VIPR1: variants seen among roughly 807,000 people sequenced by gnomAD.
VIPR1 encodes the protein vasoactive intestinal polypeptide receptor 1.
A neutral mutation model predicts 58.8 loss-of-function variants in VIPR1; 59 were observed. That is an observed-to-expected ratio of 1.00 (90% CI 0.81 to 1.25). VIPR1 has a LOEUF of 1.25. VIPR1 is among the 50% of genes most tolerant of loss of function. The pLI is 0.00. For synonymous variants in VIPR1, 251 were observed against 242.1 expected (o/e 1.04, Z -0.34); for missense variants, 626 against 602.7 (o/e 1.04, Z -0.40).
At chr3:42,512,649 G>T in intron 1 of VIPR1, 1 of 788,586 alleles carries the variant, frequency 1.3e-6, no homozygotes, top group East Asian at 1.3e-4. Context: ...GTCCCAGGGT[G>T]GGAGGGACAA....
At chr3:42,531,718 G>C in intron 8 of VIPR1, 85 bp from the exon 9 acceptor site, 2 of 1,591,246 alleles carry the variant, frequency 1.3e-6, no homozygotes, top group Non-Finnish European at 1.7e-6. Context: ...CTCAGGAGCA[G>C]AGCTGGGGAC....
At chr3:42,531,624 CA>C (rs1701560149) in intron 8 of VIPR1, 93 bp downstream of exon 8, 1 of 1,566,628 alleles carries the variant, frequency 6.4e-7, no homozygotes. Flanking sequence ...GGTGAGTGGA[CA>C]AAAACCACAG....
At position 42,534,977 on chromosome 3, in the gene VIPR1, G is replaced by A. The variant is rs965152027; in HGVS notation, c.1013G>A (p.Arg338Lys). The change falls in exon 11 of 13, where the codon AGG becomes AAG. Residue 338 changes from arginine to lysine, a missense_variant and splice_region_variant. Physicochemically the swap from Arg to Lys is conservative, Grantham distance 26. Transcript: ENST00000325123. ...IRKSDSSPYSRLARSTLLLIP... is the reference protein window; with the variant it reads ...IRKSDSSPYSKLARSTLLLIP... ...GCCTGTCCCTCCCCTGTCTCCAGAA[G>A]GCTAGCCAGGTCCACACTCCTGCTG... 6.2e-7 allele frequency: 1 copy of A among 1,614,012 alleles called. No individual in the cohort carries two copies. The highest frequency in any genetic ancestry group is 1.7e-5 in the Admixed American group (1 of 59,998).
At chr3:42,535,780 C>A (rs940993394) in intron 12 of VIPR1, among the ~76,000 whole-genome samples, 1 of 152,092 alleles carries the variant, frequency 6.6e-6, no homozygotes, top group Non-Finnish European at 1.5e-5. Flanking sequence ...AAAACCCACT[C>A]AAGTGAGCTG....
At position 42,530,868 on chromosome 3, in the gene VIPR1, C is replaced by T. The variant is rs1432181549; in HGVS notation, c.726C>T (p.Thr242=). Residue 242 remains threonine (T), a synonymous_variant, in exon 7 of 13, where the codon ACC becomes ACT. Coordinates refer to ENST00000325123, the MANE Select transcript of VIPR1 (RefSeq NM_004624.4). ...TGGTGGAGGGCCTCTACCTGTACAC[C>T]CTGCTTGCCGTCTCCTTCTTCTCTG... ...WLLVEGLYLY[T]LLAVSFFSER... 4.3e-6 allele frequency: 7 copies of T among 1,613,990 alleles called. No homozygotes were observed. In the Admixed American group the frequency reaches 1.0e-4, roughly 23 times the overall value.
chr3:42,510,224 G>T (rs567367259), intron 1 of VIPR1, among the ~76,000 whole-genome samples: 1 of 152,284 alleles, frequency 6.6e-6, no homozygotes, highest in African/African-American at 2.4e-5. Flanking sequence ...TTTCTGGGGT[G>T]CTCTTACTCC....
At chr3:42,534,117 C>T (rs1373247817) in intron 10 of VIPR1, 1 of 152,238 alleles carries the variant, frequency 6.6e-6, no homozygotes. Context: ...GGAGCTGGTC[C>T]TTCAGAGCAC....
chr3:42,504,531 C>T (rs1700018115), intron 1 of VIPR1, among the ~76,000 whole-genome samples: 1 of 152,110 alleles, frequency 6.6e-6, no homozygotes, highest in African/African-American at 2.4e-5. Context: ...TTCTGGCCAT[C>T]CTATAAGGTC....
chr3:42,514,688 C>G (rs563003015), intron 2 of VIPR1, among the ~76,000 whole-genome samples: 8 of 152,058 alleles, frequency 5.3e-5, no homozygotes, highest in Admixed American at 5.2e-4. Context: ...GCTGATGAGA[C>G]AAGTCAAGGT....
upstream of VIPR1, chr3:42,501,969 G>C (rs1253560761): frequency 6.6e-6 from 1 of 152,356 alleles, no homozygotes; most frequent in Admixed American, 6.5e-5. The surrounding 1 kb of genome is among the most constrained non-coding windows in gnomAD (Gnocchi z 4.8). Context: ...CACCCAACAG[G>C]TGCTGAGCGC....
intron 1 of VIPR1, among the ~76,000 whole-genome samples, chr3:42,508,643 C>T (rs1700230132): frequency 6.6e-6 from 1 of 152,132 alleles, no homozygotes; most frequent in African/African-American, 2.4e-5. Context: ...CTTTAGTGCT[C>T]TCTGCAAAGC....
intron 1 of VIPR1, among the ~76,000 whole-genome samples, chr3:42,511,125 A>G (rs181896405): frequency 2.6e-4 from 39 of 152,342 alleles, no homozygotes; most frequent in Non-Finnish European, 5.0e-4. Context: ...TGTTGCTAGC[A>G]GTAGAGCTGG....
chr3:42,530,392 T>C (rs1701469211), intron 6 of VIPR1: 1 of 205,358 alleles, frequency 4.9e-6, no homozygotes, highest in African/African-American at 2.3e-5. Flanking sequence ...GGGAAGATGA[T>C]AGATGATGGA....
chr3:42,514,138 G>A (rs1700503120), intron 2 of VIPR1, among the ~76,000 whole-genome samples: 3 of 152,014 alleles, frequency 2.0e-5, no homozygotes, highest in Admixed American at 1.3e-4. Flanking sequence ...TCTTCTCCAG[G>A]AAAAGTGAAG....
chr3:42,497,199 C>A (rs1411411235), intron 1 of VIPR1, among the ~76,000 whole-genome samples: 1 of 152,188 alleles, frequency 6.6e-6, no homozygotes, highest in Non-Finnish European at 1.5e-5. Context: ...CCTCACCCCC[C>A]TCAGGAATTC....
chr3:42,513,661 G>T (rs1700472325), intron 1 of VIPR1, 88 bp from the exon 2 acceptor site: 1 of 1,371,120 alleles, frequency 7.3e-7, no homozygotes, highest in East Asian at 2.5e-5. Flanking sequence ...TCTCTTCCAG[G>T]GAGAGGGCAG....
In VIPR1 at chr3:42,530,733, C is replaced by T. The variant is rs538876670; in HGVS notation, c.637-46C>T. On this transcript the variant is annotated intron_variant, in intron 6 of 12. Coordinates refer to ENST00000325123, the MANE Select transcript of VIPR1 (RefSeq NM_004624.4). Reference sequence around the variant, plus strand: ...AGACACGAGTGTGGGCAGTCAAGGACCCTTGACAGCCCCAGTGAACCCCGT... The same window carrying T: ...AGACACGAGTGTGGGCAGTCAAGGATCCTTGACAGCCCCAGTGAACCCCGT... The T allele has an allele frequency of 5.1e-5, 81 of 1,602,860 alleles. 1 individual carries two copies. The highest frequency in any genetic ancestry group is 6.7e-5 in the Non-Finnish European group (78 of 1,172,742).
chr3:42,524,019 T>C (rs1179861420), intron 3 of VIPR1, among the ~76,000 whole-genome samples: 5 of 152,220 alleles, frequency 3.3e-5, no homozygotes, highest in Non-Finnish European at 5.9e-5. Flanking sequence ...GGTTTCACTA[T>C]GTTGGCCAGG....
At chr3:42,497,333 T>C (rs1001543793) in intron 1 of VIPR1, among the ~76,000 whole-genome samples, 2 of 152,186 alleles carry the variant, frequency 1.3e-5, no homozygotes, top group Non-Finnish European at 2.9e-5. Flanking sequence ...ACTTCCTCCC[T>C]GCACACGCTG....
Sources: allele counts gnomAD v4.1 joint callset (sites outside exome capture counted in the v4.1 genomes callset), GRCh38; gene constraint gnomAD v4.1.1; non-coding constraint Gnocchi (gnomAD v3.1); transcripts MANE v1.5; gene names NCBI Gene and HGNC (gene_info 2026-07-23, HGNC 2026-07-21).